Variants in ATRN observed in about 807,000 individuals in gnomAD.
The protein encoded by ATRN is attractin-2.
Under a neutral mutation model 178.7 loss-of-function variants are expected in ATRN, and 54 were observed. The observed-to-expected ratio is 0.30, with a 90% CI of 0.24 to 0.38. The LOEUF (loss-of-function observed/expected upper bound fraction) is 0.38. Among genes scored for constraint, ATRN ranks in the 10% least tolerant of loss-of-function variants. The pLI, the probability that ATRN is intolerant of heterozygous loss-of-function variation, is 1.00. For missense variants in ATRN, 1,443 were observed against 1,815.1 expected, an observed-to-expected ratio of 0.79 and a Z score of 3.73; for synonymous variants, 636 against 663.0, an observed-to-expected ratio of 0.96 and a Z score of 0.63.
chr20:3,543,044 A>G (rs770320195), intron 3 of ATRN, among the ~76,000 whole-genome samples: 9 of 152,210 alleles, frequency 5.9e-5, no homozygotes, highest in African/African-American at 9.6e-5. Context: ...TGAAAGCCTG[A>G]TGATGGTTAA....
chr20:3,615,982 A>G (rs2086842206), intron 24 of ATRN: 11 of 224,612 alleles, frequency 4.9e-5, no homozygotes, highest in South Asian at 4.2e-4. Flanking sequence ...AACATGGCAT[A>G]TGTATACATA....
intron 1 of ATRN, among the ~76,000 whole-genome samples, chr20:3,507,857 A>G (rs2085069178): frequency 6.6e-6 from 1 of 151,784 alleles, no homozygotes; most frequent in East Asian, 1.9e-4. Flanking sequence ...TAATTTTTGT[A>G]TTTTTAGTGA....
Position 3,644,213 on chromosome 20 carries a change from T to C in ATRN, c.4110T>C (p.Ser1370=). The C allele has an allele frequency of 6.2e-7, 1 of 1,614,226 alleles. No homozygotes were observed. The highest frequency in any genetic ancestry group is 8.5e-7 in the Non-Finnish European group (1 of 1,180,042). The part of the protein sequence containing the change: ...PCFGNKAAVL[S]VFVRLPRGLG... ...TTGGCAACAAAGCCGCTGTCCTCTC[T>C]GTGTTTGTGAGGCTCCCTCGAGGCC... The change falls in exon 28 of 29, where the codon TCT becomes TCC. Residue 1370 remains serine (S), a synonymous_variant. Coordinates refer to ENST00000262919, the MANE Select transcript of ATRN (RefSeq NM_139321.3).
At chr20:3,630,464 C>T (rs2086981223) in intron 25 of ATRN, among the ~76,000 whole-genome samples, 1 of 152,050 alleles carries the variant, frequency 6.6e-6, no homozygotes, top group South Asian at 2.1e-4. Flanking sequence ...CCATAGGCAC[C>T]AACCTCTCAG....
chr20:3,503,398 A>G (rs1015623631), intron 1 of ATRN, among the ~76,000 whole-genome samples: 3 of 152,326 alleles, frequency 2.0e-5, no homozygotes, highest in Non-Finnish European at 1.5e-5. Flanking sequence ...CCAATACAAG[A>G]TGAATCAGAT....
chr20:3,590,434 C>G (rs1220437450), intron 18 of ATRN, among the ~76,000 whole-genome samples: 2 of 152,156 alleles, frequency 1.3e-5, no homozygotes, highest in African/African-American at 4.8e-5. Context: ...TCCTATTCCC[C>G]CCTAGAGTTC....
intron 5 of ATRN, among the ~76,000 whole-genome samples, chr20:3,548,600 C>CAA (rs58357636): frequency 8.7e-6 from 1 of 114,374 alleles, no homozygotes; most frequent in African/African-American, 3.3e-5. Flanking sequence ...GACTCCATCT[C>CAA]AAAAAAAAAA....
chr20:3,625,441 T>G (rs895622612), intron 25 of ATRN, among the ~76,000 whole-genome samples: 2 of 152,254 alleles, frequency 1.3e-5, no homozygotes, highest in Non-Finnish European at 1.5e-5. Flanking sequence ...ATTTTTTGGG[T>G]AGAAGGATCA....
rs906466765 is a variant in ATRN, at chr20:3,471,209, C to A, written c.102C>A (p.Asp34Glu). ...GRSGGPHWDWDVTRAGRPGLG... is the reference protein window; with the variant it reads ...GRSGGPHWDWEVTRAGRPGLG... Reference sequence around the variant, plus strand: ...GCGGCGGGCCGCACTGGGACTGGGACGTGACCAGGGCTGGGAGGCCGGGGC... The same window carrying A: ...GCGGCGGGCCGCACTGGGACTGGGAAGTGACCAGGGCTGGGAGGCCGGGGC... Residue 34 changes from aspartate to glutamate, a missense_variant, in exon 1 of 29, where the codon GAC becomes GAA. Physicochemically the swap from Asp to Glu is conservative, Grantham distance 45. Coordinates refer to ENST00000262919, the MANE Select transcript of ATRN (RefSeq NM_139321.3). 1.3e-6 allele frequency: 2 copies of A among 1,493,226 alleles called. No individual in the cohort carries two copies. The highest frequency in any genetic ancestry group is 1.8e-6 in the Non-Finnish European group (2 of 1,128,620). The allele number at this position is 1,493,226 out of a possible 1,614,324, so 92.5% of individuals were successfully genotyped here.
intron 24 of ATRN, among the ~76,000 whole-genome samples, chr20:3,616,904 G>C (rs1248029751): frequency 1.3e-5 from 2 of 151,592 alleles, no homozygotes; most frequent in East Asian, 3.9e-4. Flanking sequence ...CTCCACAGCA[G>C]AGTGTCTGTT....
chr20:3,483,372 G>A (rs1568680280), intron 1 of ATRN, among the ~76,000 whole-genome samples: 1 of 151,512 alleles, frequency 6.6e-6, no homozygotes, highest in African/African-American at 2.4e-5. Flanking sequence ...TTTGTGACAG[G>A]GTCTCACTCT....
rs746920393 is a variant in ATRN at position 3,572,724 on chromosome 20, C to T, written c.1872-7C>T. On this transcript the variant is annotated splice_region_variant and splice_polypyrimidine_tract_variant and intron_variant, in intron 11 of 28. Transcript: ENST00000262919. Reference sequence around the variant, plus strand: ...AGTAAATTTCTTCTCTCCCTTTTTCCTCTTAGCACCATGTATGTGTTCGGT... The same window carrying T: ...AGTAAATTTCTTCTCTCCCTTTTTCTTCTTAGCACCATGTATGTGTTCGGT... 1.9e-6 allele frequency: 3 copies of T among 1,607,636 alleles called. No individual in the cohort carries two copies. The highest frequency in any genetic ancestry group is 1.7e-5 in the Admixed American group (1 of 59,128).
At chr20:3,576,404 A>G (rs1276792498) in intron 13 of ATRN, among the ~76,000 whole-genome samples, 1 of 152,186 alleles carries the variant, frequency 6.6e-6, no homozygotes, top group Non-Finnish European at 1.5e-5. Flanking sequence ...TTTTAAATTT[A>G]AGTTATAAGA....
intron 1 of ATRN, among the ~76,000 whole-genome samples, chr20:3,494,242 A>G (rs1448773691): frequency 1.3e-5 from 2 of 152,232 alleles, no homozygotes; most frequent in Non-Finnish European, 2.9e-5. Context: ...GAAGAAATAC[A>G]TAGTCAATAT....
intron 1 of ATRN, among the ~76,000 whole-genome samples, chr20:3,499,729 C>T (rs1016954971): frequency 6.7e-4 from 101 of 150,210 alleles, no homozygotes; most frequent in African/African-American, 2.4e-3. Flanking sequence ...ACCATAAAAA[C>T]CCTAGAAGAA....
intron 18 of ATRN, among the ~76,000 whole-genome samples, chr20:3,586,294 C>T (rs1184678839): frequency 6.6e-6 from 1 of 152,164 alleles, no homozygotes; most frequent in Non-Finnish European, 1.5e-5. Flanking sequence ...ACATGGATTA[C>T]CCTAAAAAAA....
intron 1 of ATRN, among the ~76,000 whole-genome samples, chr20:3,494,444 T>G (rs1310308804): frequency 6.6e-6 from 1 of 152,130 alleles, no homozygotes; most frequent in South Asian, 2.1e-4. Flanking sequence ...TGCAAAGAAC[T>G]GTCCAGACGG....
At chr20:3,511,691 A>G (rs187367158) in intron 1 of ATRN, among the ~76,000 whole-genome samples, 164 of 152,318 alleles carry the variant, frequency 1.1e-3, no homozygotes, top group African/African-American at 3.8e-3. Flanking sequence ...TCTGTTCAAA[A>G]GAAGTCAGCA....
Position 3,492,875 on chromosome 20 carries a change from GCACACACA to G in ATRN, c.410+21373_410+21380del, listed in dbSNP as rs376260361. 1.7e-3 allele frequency among the ~76,000 whole-genome samples: 179 copies of G among 106,804 alleles called. 1 individual carries two copies. Among genetic ancestry groups the G allele is most frequent in the African/African-American group, 6.2e-3 (170 of 27,430 alleles). 70.1% of individuals were successfully genotyped at this position (106,804 alleles called of 152,430 possible). A position where few individuals can be genotyped will look rare whatever the true frequency, so the allele number is the denominator to read the frequency against. On this transcript the variant is annotated intron_variant, in intron 1 of 28. Coordinates refer to ENST00000262919, the MANE Select transcript of ATRN (RefSeq NM_139321.3). Reference sequence around the variant, plus strand: ...GAGAGGCGCGCGCGCGCGTGCGCACGCACACACACACACACACACACATAACTAATATA... The same window carrying G: ...GAGAGGCGCGCGCGCGCGTGCGCACGCACACACACACACATAACTAATATA...
Sources: gnomAD v4.1 joint callset for allele counts (sites outside exome capture counted in the v4.1 genomes callset) on GRCh38, gnomAD v4.1.1 for gene constraint, MANE v1.5 for transcripts, NCBI Gene and HGNC (gene_info 2026-07-23, HGNC 2026-07-21) for gene names.